The following NKAIN3 variants were observed in gnomAD, a reference collection of about 807,000 sequenced individuals.
NKAIN3 encodes the protein sodium/potassium transporting ATPase interacting 3, also known as sodium/potassium-transporting ATPase subunit beta-1-interacting protein 3.
In NKAIN3, 25 loss-of-function variants were observed where a neutral mutation model predicts 30.2. The observed-to-expected ratio is 0.83, with a 90% CI of 0.60 to 1.16. NKAIN3 has a LOEUF of 1.16. Among genes scored for constraint, NKAIN3 ranks in the 50% most tolerant of loss-of-function variants. NKAIN3 has a pLI of 0.00. For missense variants in NKAIN3, 225 were observed against 254.1 expected, an observed-to-expected ratio of 0.89 and a Z score of 0.78; for synonymous variants, 91 against 89.6, an observed-to-expected ratio of 1.02 and a Z score of -0.09.
chr8:62,769,208 T>C (rs1329934161), intron 4 of NKAIN3, among the ~76,000 whole-genome samples: 3 of 152,226 alleles, frequency 2.0e-5, no homozygotes, highest in Non-Finnish European at 4.4e-5. Context: ...AAGTTCTTAA[T>C]GAAAAAGTTA....
At chr8:62,292,545 A>C (rs1329597378) in intron 1 of NKAIN3, among the ~76,000 whole-genome samples, 2 of 152,200 alleles carry the variant, frequency 1.3e-5, no homozygotes, top group Non-Finnish European at 2.9e-5. Context: ...CTTTTCTTTA[A>C]GAATGTTGAA....
rs543551471 is a variant in NKAIN3 at position 62,688,792 on chromosome 8, C to T, written c.274-58140C>T. Reference sequence around the variant, plus strand: ...CACACAAAACCATAACGTATTCTCTCCCCTTACAGAGTCTTTTTATATCAA... The same window carrying T: ...CACACAAAACCATAACGTATTCTCTTCCCTTACAGAGTCTTTTTATATCAA... On this transcript the variant is annotated intron_variant, in intron 3 of 6. Coordinates refer to ENST00000623646, the MANE Select transcript of NKAIN3 (RefSeq NM_001304533.3). Among the ~76,000 whole-genome samples, 4 of 151,846 alleles carry T rather than the reference C, an allele frequency of 2.6e-5. No homozygotes were observed. In the East Asian group the frequency reaches 7.7e-4, roughly 29 times the overall value.
chr8:62,661,562 A>T (rs1036625098), intron 3 of NKAIN3, among the ~76,000 whole-genome samples: 7 of 152,178 alleles, frequency 4.6e-5, no homozygotes, highest in Non-Finnish European at 1.0e-4. Flanking sequence ...CTGGGTAAGT[A>T]GTCTGTCGGT....
chr8:62,431,640 G>A (rs973657959), intron 1 of NKAIN3, among the ~76,000 whole-genome samples: 111 of 151,758 alleles, frequency 7.3e-4, no homozygotes, highest in Non-Finnish European at 3.2e-4. Flanking sequence ...CCCAAGGCTT[G>A]TATCTCAAAA....
intron 1 of NKAIN3, among the ~76,000 whole-genome samples, chr8:62,460,861 C>G (rs1000016979): frequency 2.0e-5 from 3 of 152,140 alleles, no homozygotes; most frequent in African/African-American, 4.8e-5. Context: ...TTGTGTCTGC[C>G]TAGATGGATG....
At chr8:62,933,891 A>G (rs1440956411) in intron 5 of NKAIN3, among the ~76,000 whole-genome samples, 2 of 152,236 alleles carry the variant, frequency 1.3e-5, no homozygotes, top group African/African-American at 4.8e-5. Flanking sequence ...GTGAAACTGA[A>G]CAGACAGTAA....
At chr8:62,910,217 T>C (rs904693885) in intron 4 of NKAIN3, among the ~76,000 whole-genome samples, 23 of 152,158 alleles carry the variant, frequency 1.5e-4, no homozygotes, top group African/African-American at 5.3e-4. Context: ...AACCAATATT[T>C]TTATAATAAT....
At chr8:62,686,943 T>A (rs1056149460) in intron 3 of NKAIN3, among the ~76,000 whole-genome samples, 3 of 152,174 alleles carry the variant, frequency 2.0e-5, no homozygotes, top group Admixed American at 6.6e-5. Context: ...TAACAGATAT[T>A]TAGAATAGGA....
chr8:62,811,916 A>G (rs1391025636), intron 4 of NKAIN3, among the ~76,000 whole-genome samples: 1 of 151,918 alleles, frequency 6.6e-6, no homozygotes, highest in Admixed American at 6.6e-5. Flanking sequence ...GTCTTTGCCT[A>G]GCTATAGACA....
intron 3 of NKAIN3, among the ~76,000 whole-genome samples, chr8:62,670,938 C>A (rs982626174): frequency 2.0e-5 from 3 of 149,374 alleles, no homozygotes; most frequent in Non-Finnish European, 4.5e-5. Context: ...CAGGCAAAAC[C>A]CAGTGAGGTA....
intron 1 of NKAIN3, among the ~76,000 whole-genome samples, chr8:62,484,102 C>T (rs1585859105): frequency 6.6e-6 from 1 of 152,324 alleles, no homozygotes; most frequent in South Asian, 2.1e-4. Flanking sequence ...GTACTGGCTT[C>T]CTGTGCACTC....
chr8:62,884,384 G>A (rs1032425897), intron 4 of NKAIN3, among the ~76,000 whole-genome samples: 2 of 151,876 alleles, frequency 1.3e-5, no homozygotes, highest in Admixed American at 6.6e-5. Flanking sequence ...TTAGCATCCT[G>A]AGTAGCTGAG....
Position 62,856,063 on chromosome 8 carries a change from A to C in NKAIN3, c.472-62390A>C, listed in dbSNP as rs1184592642. Reference sequence around the variant, plus strand: ...TTCTTCAGCATTACCAAGGGCTTACACCCCATGAGCATCAAACCTGGATCA... The same window carrying C: ...TTCTTCAGCATTACCAAGGGCTTACCCCCCATGAGCATCAAACCTGGATCA... On this transcript the variant is annotated intron_variant, in intron 4 of 6. Coordinates refer to ENST00000623646, the MANE Select transcript of NKAIN3 (RefSeq NM_001304533.3). The C allele has an allele frequency of 1.6e-5, 11 of 697,506 alleles. No homozygotes were observed. The East Asian group carries it at 2.7e-4, about 17-fold the overall frequency. The allele number at this position is 697,506 out of a possible 1,614,324, so 43.2% of individuals were successfully genotyped here.
intron 4 of NKAIN3, among the ~76,000 whole-genome samples, chr8:62,897,325 A>T (rs983995578): frequency 1.3e-5 from 2 of 152,068 alleles, no homozygotes; most frequent in African/African-American, 4.8e-5. Context: ...AGAATCAAAG[A>T]TTTGTATTGT....
intron 4 of NKAIN3, among the ~76,000 whole-genome samples, chr8:62,807,716 C>A (rs1421311229): frequency 1.3e-5 from 2 of 150,216 alleles, no homozygotes; most frequent in African/African-American, 4.9e-5. Context: ...CCACACTCAG[C>A]TAATTTTTGT....
intron 1 of NKAIN3, among the ~76,000 whole-genome samples, chr8:62,446,598 T>A (rs1805492921): frequency 6.6e-6 from 1 of 152,094 alleles, no homozygotes; most frequent in African/African-American, 2.4e-5. Context: ...AAACTCTATG[T>A]CCATTAAACA....
rs1385954782 is a variant in NKAIN3 at position 62,971,225 on chromosome 8, A to G, written c.*5818A>G. ...TTTCCTTTAAGGATATGCCTCAGAA[A>G]TACACACACTACTTCTGTTTACATC... is the stretch of plus-strand genomic sequence containing the variant. On this transcript the variant is annotated 3_prime_UTR_variant, in exon 7 of 7. Transcript: ENST00000623646. Among the ~76,000 whole-genome samples the G allele has an allele frequency of 6.6e-6, 1 of 152,204 alleles. No individual in the cohort carries two copies. The highest frequency in any genetic ancestry group is 1.5e-5 in the Non-Finnish European group (1 of 68,030).
intron 4 of NKAIN3, among the ~76,000 whole-genome samples, chr8:62,790,283 A>T (rs1817663027): frequency 6.6e-6 from 1 of 152,170 alleles, no homozygotes; most frequent in African/African-American, 2.4e-5. Context: ...AAAAACTCTC[A>T]ATAAATTAGG....
At chr8:62,554,685 A>G (rs1011060547) in intron 1 of NKAIN3, among the ~76,000 whole-genome samples, 3 of 152,326 alleles carry the variant, frequency 2.0e-5, no homozygotes, top group Admixed American at 6.5e-5. Context: ...AAAAACAAAT[A>G]AAATTCCTAC....
Sources: allele counts gnomAD v4.1 joint callset (sites outside exome capture counted in the v4.1 genomes callset), GRCh38; gene constraint gnomAD v4.1.1; transcripts MANE v1.5; gene names NCBI Gene and HGNC (gene_info 2026-07-23, HGNC 2026-07-21).